The following SDK1 variants were observed in gnomAD, a reference collection of about 807,000 sequenced individuals.
SDK1 encodes the protein protein sidekick-1.
A neutral mutation model predicts 245.5 loss-of-function variants in SDK1; 157 were observed. The ratio of observed to expected loss-of-function variants is 0.64; its 90% confidence interval spans 0.56 to 0.73. The LOEUF is 0.73. Among genes scored for constraint, SDK1 ranks in the 30% least tolerant of loss-of-function variants. SDK1 has a pLI of 0.00. For synonymous variants in SDK1, 1,647 were observed against 1,278.5 expected (o/e 1.29, Z -6.15); for missense variants, 3,583 against 3,002.3 (o/e 1.19, Z -4.52).
intron 4 of SDK1, among the ~76,000 whole-genome samples, chr7:3,653,024 T>A (rs1783056198): frequency 6.6e-6 from 1 of 152,204 alleles, no homozygotes; most frequent in Non-Finnish European, 1.5e-5. Flanking sequence ...CTTTGGCTAT[T>A]CCATTCAGTG....
intron 1 of SDK1, among the ~76,000 whole-genome samples, chr7:3,522,325 A>G (rs1429863417): frequency 6.6e-6 from 1 of 152,136 alleles, no homozygotes; most frequent in Non-Finnish European, 1.5e-5. Context: ...ATTTGAAGTG[A>G]TTATATGAGG....
chr7:3,530,450 T>C (rs1783304217), intron 1 of SDK1, among the ~76,000 whole-genome samples: 1 of 152,210 alleles, frequency 6.6e-6, no homozygotes, highest in Non-Finnish European at 1.5e-5. Flanking sequence ...TGTAATGTTA[T>C]TAACCTGTGC....
chr7:3,834,214 A>T (rs1391381922), intron 5 of SDK1, among the ~76,000 whole-genome samples: 1 of 152,114 alleles, frequency 6.6e-6, no homozygotes, highest in African/African-American at 2.4e-5. Flanking sequence ...CCCTTTAAAC[A>T]CTCAGACTAC....
chr7:3,547,248 A>AT (rs1236761348), intron 1 of SDK1, among the ~76,000 whole-genome samples: 1 of 152,232 alleles, frequency 6.6e-6, no homozygotes, highest in Admixed American at 6.5e-5. Flanking sequence ...TTAAGGTTGG[A>AT]TAAAAACTGT....
chr7:3,521,164 C>A (rs1782923680), intron 1 of SDK1, among the ~76,000 whole-genome samples: 1 of 152,154 alleles, frequency 6.6e-6, no homozygotes. Flanking sequence ...TGCTCACATC[C>A]CTTCGTGTTT....
chr7:3,341,711 G>T (rs182732449), intron 1 of SDK1, among the ~76,000 whole-genome samples: 1 of 152,280 alleles, frequency 6.6e-6, no homozygotes, highest in East Asian at 1.9e-4. Context: ...TAAAAATTGT[G>T]AAAAAGATAC....
intron 5 of SDK1, among the ~76,000 whole-genome samples, chr7:3,906,050 TTCA>T (rs1409592973): frequency 7.2e-5 from 11 of 152,198 alleles, no homozygotes; most frequent in African/African-American, 2.4e-4. Flanking sequence ...TCTCTTCCCA[TTCA>T]TCGTTTCTGT....
At chr7:3,497,591 A>G (rs1782064683) in intron 1 of SDK1, among the ~76,000 whole-genome samples, 1 of 152,224 alleles carries the variant, frequency 6.6e-6, no homozygotes, top group Non-Finnish European at 1.5e-5. Flanking sequence ...CTTCACAGAA[A>G]TAACATTTAA....
At chr7:3,376,877 C>T (rs904785010) in intron 1 of SDK1, among the ~76,000 whole-genome samples, 2 of 151,984 alleles carry the variant, frequency 1.3e-5, no homozygotes, top group Non-Finnish European at 2.9e-5. Flanking sequence ...ATTTCCCCTT[C>T]TATTGTCTCT....
rs547736779 is a variant in SDK1, at chr7:3,318,121, A to G, written c.298+16237A>G. The stretch of plus-strand genomic sequence containing the variant: ...TTTGACATTATACAGATGGTAGCAT[A>G]CTCTTAGCTTGGAGGCTAGTCCCAG... On this transcript the variant is annotated intron_variant, in intron 1 of 44. Transcript: ENST00000404826. Among the ~76,000 whole-genome samples the G allele has an allele frequency of 7.2e-5, 11 of 152,270 alleles. No individual in the cohort carries two copies. The Middle Eastern group carries it at 0.01, about 142-fold the overall frequency.
At chr7:3,343,670 C>T (rs1462637137) in intron 1 of SDK1, among the ~76,000 whole-genome samples, 1 of 152,084 alleles carries the variant, frequency 6.6e-6, no homozygotes, top group Non-Finnish European at 1.5e-5. Context: ...AATGGGATCT[C>T]TGTAGTATTT....
intron 2 of SDK1, 34 bp downstream of exon 2, chr7:3,619,273 T>C: frequency 3.2e-6 from 5 of 1,580,404 alleles, no homozygotes; most frequent in Non-Finnish European, 4.3e-6. Flanking sequence ...AGATCCCATT[T>C]CAGTTGATGT....
intron 1 of SDK1, among the ~76,000 whole-genome samples, chr7:3,584,367 C>G (rs868373547): frequency 6.6e-6 from 1 of 152,150 alleles, no homozygotes; most frequent in Non-Finnish European, 1.5e-5. Flanking sequence ...AACCCCATCC[C>G]TTCAAGCCCC....
At chr7:3,316,205 A>G (rs1436348099) in intron 1 of SDK1, among the ~76,000 whole-genome samples, 1 of 152,240 alleles carries the variant, frequency 6.6e-6, no homozygotes, top group African/African-American at 2.4e-5. Flanking sequence ...CATGTACCCT[A>G]TAATGACATT....
chr7:3,914,430 C>G (rs550441258), intron 5 of SDK1, among the ~76,000 whole-genome samples: 75 of 152,316 alleles, frequency 4.9e-4, no homozygotes, highest in African/African-American at 1.8e-3. Context: ...ATTGAAATCA[C>G]AGCGAGATTG....
chr7:4,254,090 C>G (rs1248556697), intron 44 of SDK1, among the ~76,000 whole-genome samples: 1 of 151,984 alleles, frequency 6.6e-6, no homozygotes, highest in East Asian at 1.9e-4. Context: ...GTATTTCTTC[C>G]TTTTCTTTTT....
intron 35 of SDK1, among the ~76,000 whole-genome samples, chr7:4,186,032 C>T (rs544753561): frequency 1.3e-5 from 2 of 152,292 alleles, no homozygotes; most frequent in African/African-American, 4.8e-5. Context: ...CAGAGGTGCC[C>T]GGCCCAGCTC....
chr7:3,625,875 T>G (rs1051171765), intron 2 of SDK1, among the ~76,000 whole-genome samples: 1 of 151,898 alleles, frequency 6.6e-6, no homozygotes, highest in African/African-American at 2.4e-5. Flanking sequence ...TGCCTGGAAG[T>G]GTTGACCACA....
chr7:4,011,490 C>G (rs931119038), intron 15 of SDK1, among the ~76,000 whole-genome samples: 6 of 152,208 alleles, frequency 3.9e-5, no homozygotes, highest in African/African-American at 1.4e-4. Context: ...AAGTCAACAC[C>G]TAGCATGCTG....
Sources: gnomAD v4.1 joint callset for allele counts (sites outside exome capture counted in the v4.1 genomes callset) on GRCh38, gnomAD v4.1.1 for gene constraint, MANE v1.5 for transcripts, NCBI Gene and HGNC (gene_info 2026-07-23, HGNC 2026-07-21) for gene names.